Variants in LRRK1 observed in about 807,000 individuals in gnomAD.
The protein encoded by LRRK1 is leucine rich repeat kinase 1.
In LRRK1, 113 loss-of-function variants were observed where a neutral mutation model predicts 209.1. The observed-to-expected ratio is 0.54, with a 90% confidence interval of 0.46 to 0.63. The LOEUF (loss-of-function observed/expected upper bound fraction) is 0.63, where lower values mean the gene tolerates loss of function less well. LRRK1 is among the 30% of genes least tolerant of loss of function. The pLI is 0.00. For missense variants in LRRK1, 2,284 were observed against 2,632.2 expected (o/e 0.87, Z 2.89); for synonymous variants, 1,144 against 1,099.7 (o/e 1.04, Z -0.80).
intron 2 of LRRK1, among the ~76,000 whole-genome samples, chr15:100,934,821 A>AAAAAG (rs2042271357): frequency 6.7e-6 from 1 of 149,596 alleles, no homozygotes; most frequent in Non-Finnish European, 1.5e-5. Flanking sequence ...AAAAAAAAAA[A>AAAAAG]AGGAAGGAAG....
rs1168313752 is a variant in LRRK1 at position 100,983,611 on chromosome 15, C to T, written c.345C>T (p.Pro115=). 1 of 1,612,454 alleles carries T rather than the reference C, an allele frequency of 6.2e-7. No homozygotes were observed. Among genetic ancestry groups the T allele is most frequent in the Non-Finnish European group, 8.5e-7 (1 of 1,178,954 alleles). Residue 115 remains proline, a synonymous_variant, in exon 4 of 34, where the codon CCC becomes CCT. Coordinates refer to ENST00000388948, the MANE Select transcript of LRRK1 (RefSeq NM_024652.6). Reference sequence around the variant, plus strand: ...TCAGCAAGAGACTGGTGGAGCTGCCCACCGAGCCCACGGATGACAACCCAG... The same window carrying T: ...TCAGCAAGAGACTGGTGGAGCTGCCTACCGAGCCCACGGATGACAACCCAG... ...YLLSKRLVEL[P]TEPTDDNPAV...
chr15:100,964,569 T>C (rs2030327715), intron 2 of LRRK1, among the ~76,000 whole-genome samples: 1 of 152,244 alleles, frequency 6.6e-6, no homozygotes, highest in African/African-American at 2.4e-5. Context: ...AAGTTTACTT[T>C]TGTTTGTTCT....
chr15:101,027,269 C>A lies in LRRK1; in HGVS notation c.2414C>A (p.Ser805Tyr). Residue 805 changes from serine to tyrosine, a missense_variant, in exon 18 of 34, where the codon TCC (serine) becomes TAC (tyrosine). By Grantham distance (144) the Ser-to-Tyr change is moderately radical. Around this residue, in one of 6 missense-constraint regions of LRRK1, gnomAD observed 780 missense variants for 985.2 expected, o/e 0.79. Transcript: ENST00000388948. This position sits in a 1 kb window ranked among gnomAD's most constrained non-coding sequence, Gnocchi z 5.1. Reference protein sequence around the residue: ...DITFKHLHEISCKSLEGQEGL... With the variant: ...DITFKHLHEIYCKSLEGQEGL... The stretch of plus-strand genomic sequence containing the variant: ...GGTCTTTTTGCTCACAGTGAGATTT[C>A]CTGCAAGAGCCTGGAAGGTCAGGAA... 2 of 1,614,028 alleles carry A rather than the reference C, an allele frequency of 1.2e-6. No individual in the cohort carries two copies. Among genetic ancestry groups the A allele is most frequent in the South Asian group, 1.1e-5 (1 of 91,068 alleles).
chr15:100,994,696 A>G (rs1252321908), intron 6 of LRRK1, among the ~76,000 whole-genome samples: 1 of 152,210 alleles, frequency 6.6e-6, no homozygotes, highest in African/African-American at 2.4e-5. Context: ...CTGAGTCTCA[A>G]GGGCTCCTTG....
Position 101,024,953 on chromosome 15 carries a change from C to T in LRRK1, c.2218C>T (p.Leu740=). The T allele has an allele frequency of 3.7e-6, 6 of 1,613,710 alleles. No homozygotes were observed. The highest frequency in any genetic ancestry group is 5.1e-6 in the Non-Finnish European group (6 of 1,179,938). Reference sequence around the variant, plus strand: ...GGCCGTGGCCAACCTCCAGTTCTGGCTGCTCAACATCGAGGTGAGGACACC... The same window carrying T: ...GGCCGTGGCCAACCTCCAGTTCTGGTTGCTCAACATCGAGGTGAGGACACC... ...EEAVANLQFW[L]LNIEAKAPNA... Residue 740 remains leucine (L), a synonymous_variant, in exon 16 of 34, where the codon CTG becomes TTG. Coordinates refer to ENST00000388948, the MANE Select transcript of LRRK1 (RefSeq NM_024652.6). This position sits in a 1 kb window ranked among gnomAD's most constrained non-coding sequence, Gnocchi z 4.6.
intron 2 of LRRK1, among the ~76,000 whole-genome samples, chr15:100,953,864 C>T (rs1003927156): frequency 6.6e-6 from 1 of 152,032 alleles, no homozygotes; most frequent in Non-Finnish European, 1.5e-5. Context: ...TAATAATCAC[C>T]CTAACAGGTG....
At chr15:101,017,222 C>T (rs999482079) in intron 12 of LRRK1, among the ~76,000 whole-genome samples, 32 of 152,142 alleles carry the variant, frequency 2.1e-4, no homozygotes, top group African/African-American at 5.1e-4. Flanking sequence ...GGATGAGTGA[C>T]GCCACAGAGG....
In LRRK1 at chr15:101,065,672, C is replaced by T. The variant is rs1387781298; in HGVS notation, c.5235C>T (p.Gly1745=). 1.2e-6 allele frequency: 2 copies of T among 1,614,002 alleles called. No individual in the cohort carries two copies. Among genetic ancestry groups the T allele is most frequent in the East Asian group, 2.2e-5 (1 of 44,896 alleles). Residue 1745 remains glycine, a synonymous_variant, in exon 32 of 34, where the codon GGC becomes GGT. Coordinates refer to ENST00000388948, the MANE Select transcript of LRRK1 (RefSeq NM_024652.6). ...MVTSVVCSSE[G]RGEEVVWCLD... is the part of the protein sequence containing the mutation. ...CGTCAGTCGTGTGCAGCTCTGAGGG[C>T]AGAGGGGAGGAGGTCGTCTGGTGCC...
At chr15:100,947,045 C>T (rs774444757) in intron 2 of LRRK1, among the ~76,000 whole-genome samples, 1 of 152,098 alleles carries the variant, frequency 6.6e-6, no homozygotes, top group Non-Finnish European at 1.5e-5. Flanking sequence ...TCTCAGCTCA[C>T]TGCAACCTCC....
chr15:100,939,090 T>C (rs979320566), intron 2 of LRRK1, among the ~76,000 whole-genome samples: 1 of 152,118 alleles, frequency 6.6e-6, no homozygotes, highest in African/African-American at 2.4e-5. Context: ...TGAAACTCCA[T>C]CTCAAAATAA....
At chr15:101,062,447 C>G (rs577176288) in intron 30 of LRRK1, 127 bp from the exon 31 acceptor site, 412 of 689,230 alleles carry the variant, frequency 6.0e-4, no homozygotes, top group Non-Finnish European at 9.5e-4. Flanking sequence ...CAGAACGTGT[C>G]AATCCATGTA....
chr15:100,984,482 C>A (rs569275737), intron 4 of LRRK1, among the ~76,000 whole-genome samples: 6 of 109,916 alleles, frequency 5.5e-5, no homozygotes, highest in Non-Finnish European at 9.3e-5. Context: ...CTGGCCCCAT[C>A]CCTCCCTCCC....
chr15:100,938,464 T>C (rs1438983697), intron 2 of LRRK1, among the ~76,000 whole-genome samples: 1 of 152,152 alleles, frequency 6.6e-6, no homozygotes, highest in African/African-American at 2.4e-5. Context: ...TTCTAGCTTT[T>C]TGAAAACAGA....
At position 101,057,015 on chromosome 15, in the gene LRRK1, C is replaced by T. The variant is rs756382869; in HGVS notation, c.4492C>T (p.Leu1498Phe). 3 of 1,613,402 alleles carry T rather than the reference C, an allele frequency of 1.9e-6. No homozygotes were observed. Among genetic ancestry groups the T allele is most frequent in the Non-Finnish European group, 2.5e-6 (3 of 1,179,628 alleles). ...EEVQFRRLQA[L>F]MMECWDTKPE... ...AGTGCAGTTCCGGCGACTGCAGGCG[C>T]TCATGATGGAGTGCTGGGACACTAA... The change falls in exon 28 of 34, where the codon CTC (leucine) becomes TTC (phenylalanine). Residue 1498 changes from leucine (L) to phenylalanine (F), a missense_variant. By Grantham distance (22) the Leu-to-Phe change is conservative (BLOSUM62 0). This residue lies in a region of LRRK1 where 643 missense variants were observed against 695.9 expected (regional missense o/e 0.92). Transcript: ENST00000388948.
At chr15:100,980,592 A>G (rs143334040) in intron 3 of LRRK1, among the ~76,000 whole-genome samples, 3 of 152,224 alleles carry the variant, frequency 2.0e-5, no homozygotes, top group Non-Finnish European at 2.9e-5. Context: ...TCTTGCTACA[A>G]TTATGTAACA....
chr15:100,986,229 G>C (rs1270491587), intron 4 of LRRK1, among the ~76,000 whole-genome samples: 1 of 152,094 alleles, frequency 6.6e-6, no homozygotes, highest in Non-Finnish European at 1.5e-5. Flanking sequence ...ACAAGAAGCA[G>C]CTAGAGAACA....
chr15:100,989,228 C>T (rs1317557166), intron 5 of LRRK1, 22 bp from the exon 6 acceptor site: 2 of 1,610,042 alleles, frequency 1.2e-6, no homozygotes, highest in Non-Finnish European at 1.7e-6. Flanking sequence ...ATGCCCTTAG[C>T]TTTTTGGTTT....
chr15:101,054,701 A>G (rs1159215995), intron 26 of LRRK1, among the ~76,000 whole-genome samples: 2 of 152,106 alleles, frequency 1.3e-5, no homozygotes, highest in Admixed American at 6.5e-5. Context: ...TAGCTACTCA[A>G]CTTGGGAGGC....
rs147497941 is a variant in LRRK1, at chr15:101,069,218, A to G, written c.*370A>G. 1.2e-3 allele frequency: 198 copies of G among 167,724 alleles called. No individual in the cohort carries two copies. Among genetic ancestry groups the G allele is most frequent in the African/African-American group, 4.4e-3 (187 of 42,144 alleles). 10.4% of individuals were successfully genotyped at this position (167,724 alleles called of 1,614,324 possible). ...AGGGCCGGGCCTTCCTGCCATCCCC[A>G]GGTCTCAGATGGAATTACACTAGAG... On this transcript the variant is annotated 3_prime_UTR_variant, in exon 34 of 34. Transcript: ENST00000388948.
Sources: allele counts gnomAD v4.1 joint callset (sites outside exome capture counted in the v4.1 genomes callset), GRCh38; gene constraint gnomAD v4.1.1; regional missense constraint gnomAD v4.1.1; non-coding constraint Gnocchi (gnomAD v3.1); transcripts MANE v1.5; gene names NCBI Gene and HGNC (gene_info 2026-07-23, HGNC 2026-07-21).